The following MYO16 variants were observed in gnomAD, a reference collection of about 807,000 sequenced individuals.
MYO16 encodes the protein unconventional myosin-XVI.
MYO16 carries 94 observed loss-of-function variants against 205.3 expected under a neutral mutation model. That is an observed-to-expected ratio of 0.46 (90% confidence interval 0.39 to 0.54). The LOEUF is 0.54. Among genes scored for constraint, MYO16 ranks in the 20% least tolerant of loss-of-function variants. The pLI is 0.00. For synonymous variants in MYO16, 988 were observed against 954.0 expected, an observed-to-expected ratio of 1.04 and a Z score of -0.66; for missense variants, 2,315 against 2,387.5, an observed-to-expected ratio of 0.97 and a Z score of 0.63.
In MYO16 at chr13:109,199,192, GTATATATA is replaced by G. The variant is rs4000581; in HGVS notation, c.5416-7376_5416-7369del. Among the ~76,000 whole-genome samples the G allele has an allele frequency of 7.2e-3, 542 of 75,540 alleles. 8 individuals are homozygous for G. The highest frequency in any genetic ancestry group is 0.013 in the East Asian group (25 of 1,934). 49.6% of individuals were successfully genotyped at this position (75,540 alleles called of 152,430 possible). A position where few individuals can be genotyped will look rare whatever the true frequency, so the allele number is the denominator to read the frequency against. The stretch of plus-strand genomic sequence containing the variant: ...TCAAGTAAATGGTTTAATAAAAAAG[GTATATATA>G]TATATATATATATATATATATATAT... On this transcript the variant is annotated intron_variant, in intron 34 of 34. Transcript: ENST00000457511.
rs111881859 is a variant in MYO16, at chr13:109,001,181, TA to T, written c.2443-7703del. On this transcript the variant is annotated intron_variant, in intron 21 of 34. Transcript: ENST00000457511. Reference sequence around the variant, plus strand: ...AGAAATAGTAACAGAATAAAAAATTTAAAAAAAAAAAAAGAAAAGGAAGAGA... The same window carrying T: ...AGAAATAGTAACAGAATAAAAAATTTAAAAAAAAAAAAGAAAAGGAAGAGA... Among the ~76,000 whole-genome samples the T allele has an allele frequency of 6.2e-3, 851 of 137,144 alleles. 12 individuals are homozygous for T. Among genetic ancestry groups the T allele is most frequent in the South Asian group, 0.054 (234 of 4,366 alleles). 90.0% of individuals were successfully genotyped at this position (137,144 alleles called of 152,430 possible).
At chr13:108,731,687 C>T (rs1594247377) in intron 4 of MYO16, among the ~76,000 whole-genome samples, 1 of 152,278 alleles carries the variant, frequency 6.6e-6, no homozygotes, top group African/African-American at 2.4e-5. Flanking sequence ...CTATTAGTTG[C>T]TCTCATTCAA....
the MYO16 span, among the ~76,000 whole-genome samples, chr13:108,586,175 AAAAAG>A: frequency 6.6e-6 from 1 of 152,132 alleles, no homozygotes; most frequent in African/African-American, 2.4e-5. Context: ...TCCCAGATAA[AAAAAG>A]AAGAGATCAT....
chr13:108,956,130 G>A (rs956640301), intron 16 of MYO16, among the ~76,000 whole-genome samples: 7 of 152,170 alleles, frequency 4.6e-5, no homozygotes, highest in Non-Finnish European at 8.8e-5. Context: ...AAGTCAATAT[G>A]TCTAATATCA....
At chr13:108,774,362 A>T (rs1418592200) in intron 4 of MYO16, among the ~76,000 whole-genome samples, 1 of 152,208 alleles carries the variant, frequency 6.6e-6, no homozygotes, top group African/African-American at 2.4e-5. Context: ...AACACTCCAG[A>T]AACATAGTTT....
chr13:109,155,832 C>G (rs1225857135), intron 32 of MYO16, among the ~76,000 whole-genome samples: 1 of 152,204 alleles, frequency 6.6e-6, no homozygotes, highest in Non-Finnish European at 1.5e-5. Flanking sequence ...CCACCCATCT[C>G]CACTGAACTC....
intron 4 of MYO16, among the ~76,000 whole-genome samples, chr13:108,763,143 G>A (rs1378742329): frequency 6.6e-6 from 1 of 152,132 alleles, no homozygotes; most frequent in Non-Finnish European, 1.5e-5. Flanking sequence ...GGTCTACTAT[G>A]AGCCAGGAAT....
At chr13:108,981,917 A>T (rs1444315287) in intron 20 of MYO16, among the ~76,000 whole-genome samples, 1 of 152,178 alleles carries the variant, frequency 6.6e-6, no homozygotes, top group African/African-American at 2.4e-5. Flanking sequence ...AGATTCTGAG[A>T]TTATCTGCCT....
chr13:108,886,498 C>G, intron 13 of MYO16: 1 of 456,182 alleles, frequency 2.2e-6, no homozygotes, highest in Non-Finnish European at 4.4e-6. Context: ...GAAAGGGAAG[C>G]TCTCAGCAGA....
At chr13:108,554,666 G>A in the MYO16 span, among the ~76,000 whole-genome samples, 8 of 151,892 alleles carry the variant, frequency 5.3e-5, no homozygotes, top group Admixed American at 2.6e-4. Flanking sequence ...TGGCTAACAC[G>A]GTGAAACCCC....
intron 23 of MYO16, among the ~76,000 whole-genome samples, chr13:109,029,961 A>G (rs1886496522): frequency 6.6e-6 from 1 of 152,176 alleles, no homozygotes. Flanking sequence ...TGTTCAGAAT[A>G]TTGATAGTTT....
chr13:108,907,081 C>A (rs149550757), intron 15 of MYO16, among the ~76,000 whole-genome samples: 40 of 152,206 alleles, frequency 2.6e-4, no homozygotes, highest in African/African-American at 8.9e-4. Context: ...GTCGTGTACC[C>A]ATAACTAGAT....
chr13:109,004,227 A>G (rs1885314835), intron 21 of MYO16, among the ~76,000 whole-genome samples: 1 of 152,172 alleles, frequency 6.6e-6, no homozygotes, highest in South Asian at 2.1e-4. Context: ...GATTCAATGT[A>G]TTTTTAATAA....
intron 2 of MYO16, among the ~76,000 whole-genome samples, chr13:108,682,076 T>C (rs1387812997): frequency 6.6e-6 from 1 of 152,194 alleles, no homozygotes; most frequent in African/African-American, 2.4e-5. Context: ...CACGCTCCAA[T>C]TTGAGTTAGA....
chr13:108,682,709 T>A (rs1882512238), intron 2 of MYO16, among the ~76,000 whole-genome samples: 1 of 151,986 alleles, frequency 6.6e-6, no homozygotes, highest in African/African-American at 2.4e-5. Context: ...GAAGGGTCAG[T>A]GATGTGGGCA....
intron 16 of MYO16, among the ~76,000 whole-genome samples, chr13:108,948,363 C>T (rs759982077): frequency 2.6e-5 from 4 of 152,240 alleles, no homozygotes; most frequent in Non-Finnish European, 5.9e-5. Flanking sequence ...TGTTTGTACT[C>T]TGCGAGTCTC....
chr13:108,721,477 G>C (rs1884159622), intron 3 of MYO16, among the ~76,000 whole-genome samples: 1 of 152,182 alleles, frequency 6.6e-6, no homozygotes, highest in Non-Finnish European at 1.5e-5. Context: ...TCTGTTGATA[G>C]TGTTCAGGAG....
At chr13:109,037,517 A>C (rs1221020666) in intron 23 of MYO16, among the ~76,000 whole-genome samples, 1 of 152,202 alleles carries the variant, frequency 6.6e-6, no homozygotes, top group African/African-American at 2.4e-5. Flanking sequence ...CAAGTAAGTC[A>C]TGTATAAAAC....
chr13:108,570,299 A>G, the MYO16 span, among the ~76,000 whole-genome samples: 1 of 151,766 alleles, frequency 6.6e-6, no homozygotes, highest in Non-Finnish European at 1.5e-5. Context: ...CCCAGGCTGG[A>G]GTGCAGTGGT....
Sources: gnomAD v4.1 joint callset for allele counts (sites outside exome capture counted in the v4.1 genomes callset) on GRCh38, gnomAD v4.1.1 for gene constraint, MANE v1.5 for transcripts, NCBI Gene and HGNC (gene_info 2026-07-23, HGNC 2026-07-21) for gene names.